CCN2: variants seen among roughly 807,000 people sequenced by gnomAD.
CCN2 encodes the protein CCN family member 2.
Under a neutral mutation model 33.2 loss-of-function variants are expected in CCN2, and 22 were observed. The ratio of observed to expected loss-of-function variants is 0.66; its 90% CI spans 0.47 to 0.95. The LOEUF (loss-of-function observed/expected upper bound fraction) is 0.95, where lower values mean the gene tolerates loss of function less well. CCN2 is among the 40% of genes least tolerant of loss of function. The pLI, the probability that CCN2 is intolerant of heterozygous loss-of-function variation, is 0.00. For synonymous variants in CCN2, 178 were observed against 200.6 expected (o/e 0.89, Z 0.95); for missense variants, 469 against 498.8 (o/e 0.94, Z 0.57).
At chr6:131,949,584 A>T in intron 4 of CCN2, 24 bp from the exon 5 acceptor site, 1 of 856,344 alleles carries the variant, frequency 1.2e-6, no homozygotes, top group Non-Finnish European at 1.8e-6. Context: ...GGGAAAAGAG[A>T]GAGGAAAAAA....
At chr6:131,949,615 G>A in intron 4 of CCN2, 55 bp from the exon 5 acceptor site, 1 of 1,475,188 alleles carries the variant, frequency 6.8e-7, no homozygotes, top group East Asian at 2.3e-5. Flanking sequence ...GACTCTACAA[G>A]AGGAGTGGCT....
chr6:131,948,875 C>T lies in CCN2; in HGVS notation c.*389G>A, dbSNP rs889578396. On this transcript the variant is annotated 3_prime_UTR_variant, in exon 5 of 5. Transcript: ENST00000367976. ...CACATCCTAGCTGTCACTGGGGCTA[C>T]AGGCAGGTCAGTGAGCACGCTAAAA... is the stretch of plus-strand genomic sequence containing the variant. 1 of 240,078 alleles carries T rather than the reference C, an allele frequency of 4.2e-6. No homozygotes were observed. The highest frequency in any genetic ancestry group is 8.3e-6 in the Non-Finnish European group (1 of 119,802). The allele number at this position is 240,078 out of a possible 1,614,324, so 14.9% of individuals were successfully genotyped here.
Position 131,949,982 on chromosome 6 carries a change from C to A in CCN2, c.720G>T (p.Arg240Ser). The A allele has an allele frequency of 6.2e-7, 1 of 1,614,198 alleles. No homozygotes were observed. The highest frequency in any genetic ancestry group is 8.5e-7 in the Non-Finnish European group (1 of 1,180,032). ...LEKQSRLCMV[R>S]PCEADLEENI... ...TCTCTTCCAGGTCAGCTTCGCAAGGCCTGACCATGCACAGGCGGCTCTGCT... is the reference window on the plus strand; with the variant it reads ...TCTCTTCCAGGTCAGCTTCGCAAGGACTGACCATGCACAGGCGGCTCTGCT... The change falls in exon 4 of 5, where the codon AGG becomes AGT. Residue 240 changes from arginine to serine, a missense_variant. Arg to Ser is a moderately radical substitution (Grantham distance 110). Transcript: ENST00000367976.
Position 131,950,265 on chromosome 6 carries a change from C to A in CCN2, c.541+27G>T, listed in dbSNP as rs1198254185. On this transcript the variant is annotated intron_variant, in intron 3 of 4. Coordinates refer to ENST00000367976, the MANE Select transcript of CCN2 (RefSeq NM_001901.4). The surrounding 1 kb of genome is among the most constrained non-coding windows in gnomAD (Gnocchi z 7.1). ...TCCCTCCCTGGGAGAGAATCACGAC[C>A]CTGACTTAGAGGAAGACTCGACTCA... The A allele has an allele frequency of 1.2e-6, 2 of 1,610,804 alleles. No individual in the cohort carries two copies. The highest frequency in any genetic ancestry group is 1.7e-5 in the Admixed American group (1 of 59,942).
At chr6:131,951,050 C>T in intron 1 of CCN2, 57 bp downstream of exon 1, 2 of 1,265,896 alleles carry the variant, frequency 1.6e-6, no homozygotes, top group South Asian at 2.8e-5. Context: ...CCTCCCCGGC[C>T]GGCCCCGAGT....
In CCN2 at chr6:131,951,226, G is replaced by T; in HGVS notation, c.-54C>A. The T allele has an allele frequency of 8.0e-7, 1 of 1,248,252 alleles. No homozygotes were observed. The highest frequency in any genetic ancestry group is 1.0e-6 in the Non-Finnish European group (1 of 996,192). The allele number at this position is 1,248,252 out of a possible 1,614,324, so 77.3% of individuals were successfully genotyped here. ...GCGGTGGCGGCGAGCGGGGAGCGGC[G>T]GGGCCTGGAGCGCTGGCGGTGGTCG... On this transcript the variant is annotated 5_prime_UTR_variant, in exon 1 of 5. Coordinates refer to ENST00000367976, the MANE Select transcript of CCN2 (RefSeq NM_001901.4).
In CCN2 at chr6:131,951,328, G is replaced by T; in HGVS notation, c.-156C>A. ...GCGGCTGCCGTCGAGCTGGAGGGTG[G>T]AGTCGCACTGGCTGTCTCCTCTCAG... On this transcript the variant is annotated 5_prime_UTR_variant, in exon 1 of 5. Transcript: ENST00000367976. 1 of 520,506 alleles carries T rather than the reference G, an allele frequency of 1.9e-6. No individual in the cohort carries two copies. Among genetic ancestry groups the T allele is most frequent in the South Asian group, 8.6e-5 (1 of 11,570 alleles). The allele number at this position is 520,506 out of a possible 1,614,324, so 32.2% of individuals were successfully genotyped here. A position where few individuals can be genotyped will look rare whatever the true frequency, so the allele number is the denominator to read the frequency against.
In CCN2 at chr6:131,949,999, G is replaced by T; in HGVS notation, c.703C>A (p.Arg235Ser). 1 of 1,614,184 alleles carries T rather than the reference G, an allele frequency of 6.2e-7. No individual in the cohort carries two copies. The highest frequency in any genetic ancestry group is 8.5e-7 in the Non-Finnish European group (1 of 1,180,040). Reference protein sequence around the residue: ...NASCRLEKQSRLCMVRPCEAD... With the variant: ...NASCRLEKQSSLCMVRPCEAD... ...TCGCAAGGCCTGACCATGCACAGGC[G>T]GCTCTGCTTCTCTAGCCTGCAGGAG... Residue 235 changes from arginine to serine, a missense_variant, in exon 4 of 5, where the codon CGC becomes AGC. Arg to Ser is a moderately radical substitution (Grantham distance 110). Transcript: ENST00000367976.
rs778883366 is a variant in CCN2, at chr6:131,949,324, G to T, written c.990C>A (p.Pro330=). 1 of 1,614,140 alleles carries T rather than the reference G, an allele frequency of 6.2e-7. No homozygotes were observed. Among genetic ancestry groups the T allele is most frequent in the South Asian group, 1.1e-5 (1 of 91,074 alleles). Residue 330 remains proline, a synonymous_variant, in exon 5 of 5, where the codon CCC becomes CCA. Transcript: ENST00000367976. ...GCGATTCAAAGATGTCATTGTCTCC[G>T]GGACAGTTGTAATGGCAGGCACAGG... ...IKTCACHYNC[P]GDNDIFESLY... is the part of the protein sequence containing the mutation.
chr6:131,949,073 A>G lies in CCN2; in HGVS notation c.*191T>C, dbSNP rs1783059570. ...CACTGTCAAGTCTTAACATTCTTCAAACCAGTGTCTGGGGTTGATAGACTA... is the reference window on the plus strand; with the variant it reads ...CACTGTCAAGTCTTAACATTCTTCAGACCAGTGTCTGGGGTTGATAGACTA... On this transcript the variant is annotated 3_prime_UTR_variant, in exon 5 of 5. Coordinates refer to ENST00000367976, the MANE Select transcript of CCN2 (RefSeq NM_001901.4). 1.7e-6 allele frequency: 1 copy of G among 604,886 alleles called. No individual in the cohort carries two copies. The highest frequency in any genetic ancestry group is 1.8e-5 in the African/African-American group (1 of 54,084). 37.5% of individuals were successfully genotyped at this position (604,886 alleles called of 1,614,324 possible). A position where few individuals can be genotyped will look rare whatever the true frequency, so the allele number is the denominator to read the frequency against.
At position 131,949,380 on chromosome 6, in the gene CCN2, C is replaced by A. The variant is rs1430800186; in HGVS notation, c.934G>T (p.Val312Phe). The A allele has an allele frequency of 6.2e-7, 1 of 1,614,154 alleles. No homozygotes were observed. Among genetic ancestry groups the A allele is most frequent in the Non-Finnish European group, 8.5e-7 (1 of 1,180,028 alleles). Residue 312 changes from valine (V) to phenylalanine (F), a missense_variant, in exon 5 of 5, where the codon GTC (valine) becomes TTC (phenylalanine). Physicochemically the swap from Val to Phe is conservative, Grantham distance 50. Transcript: ENST00000367976. ...PVEFKCPDGEVMKKNMMFIKT... is the reference protein window; with the variant it reads ...PVEFKCPDGEFMKKNMMFIKT... ...ATGAACATCATGTTCTTCTTCATGA[C>A]CTCGCCGTCAGGGCACTTGAACTCC...
chr6:131,950,755 G>A lies in CCN2; in HGVS notation c.289+15C>T. 1.3e-6 allele frequency: 2 copies of A among 1,531,514 alleles called. No individual in the cohort carries two copies. Among genetic ancestry groups the A allele is most frequent in the Non-Finnish European group, 1.7e-6 (2 of 1,144,436 alleles). The allele number at this position is 1,531,514 out of a possible 1,614,324, so 94.9% of individuals were successfully genotyped here. On this transcript the variant is annotated intron_variant, in intron 2 of 4. Transcript: ENST00000367976. This position sits in a 1 kb window ranked among gnomAD's most constrained non-coding sequence, Gnocchi z 7.1. ...AGGCGGCCGGACACCTAGCGGTGGG[G>A]GCTGCGGGTCTTACCGGTGCACACG...
At position 131,949,533 on chromosome 6, in the gene CCN2, T is replaced by G. The variant is rs757418221; in HGVS notation, c.781A>C (p.Lys261Gln). Residue 261 changes from lysine to glutamine, a missense_variant, in exon 5 of 5, where the codon AAA (lysine) becomes CAA (glutamine). By Grantham distance (53) the Lys-to-Gln change is moderately conservative. Transcript: ENST00000367976. ...TCAAACTTGATAGGCTTGGAGATTT[T>G]GGGAGTACGGATGCACTTTTTGCCC... ...KKGKKCIRTP[K>Q]ISKPIKFELS... 7.4e-6 allele frequency: 12 copies of G among 1,610,896 alleles called. No homozygotes were observed. In the African/African-American group the frequency reaches 1.2e-4, roughly 16 times the overall value.
At position 131,951,224 on chromosome 6, in the gene CCN2, G is replaced by A; in HGVS notation, c.-52C>T. ...GCGCGGTGGCGGCGAGCGGGGAGCG[G>A]CGGGGCCTGGAGCGCTGGCGGTGGT... is the stretch of plus-strand genomic sequence containing the variant. On this transcript the variant is annotated 5_prime_UTR_variant, in exon 1 of 5. Coordinates refer to ENST00000367976, the MANE Select transcript of CCN2 (RefSeq NM_001901.4). 7.9e-7 allele frequency: 1 copy of A among 1,259,676 alleles called. No individual in the cohort carries two copies. Among genetic ancestry groups the A allele is most frequent in the Non-Finnish European group, 1.0e-6 (1 of 1,002,888 alleles). The allele number at this position is 1,259,676 out of a possible 1,614,324, so 78.0% of individuals were successfully genotyped here.
chr6:131,949,917 T>C (rs1157532685), intron 4 of CCN2, 32 bp downstream of exon 4: 10 of 1,603,776 alleles, frequency 6.2e-6, no homozygotes, highest in Non-Finnish European at 8.5e-6. Context: ...GTTTTTCCTG[T>C]GAAAAATAGT....
rs1304182097 is a variant in CCN2, at chr6:131,950,748, C to T, written c.289+22G>A. On this transcript the variant is annotated intron_variant, in intron 2 of 4. Coordinates refer to ENST00000367976, the MANE Select transcript of CCN2 (RefSeq NM_001901.4). This position sits in a 1 kb window ranked among gnomAD's most constrained non-coding sequence, Gnocchi z 7.1. The stretch of plus-strand genomic sequence containing the variant: ...AGGGAGGAGGCGGCCGGACACCTAG[C>T]GGTGGGGGCTGCGGGTCTTACCGGT... 2.6e-6 allele frequency: 4 copies of T among 1,522,464 alleles called. No individual in the cohort carries two copies. Among genetic ancestry groups the T allele is most frequent in the African/African-American group, 1.4e-5 (1 of 73,050 alleles). 94.3% of individuals were successfully genotyped at this position (1,522,464 alleles called of 1,614,324 possible). A position where few individuals can be genotyped will look rare whatever the true frequency, so the allele number is the denominator to read the frequency against.
chr6:131,951,186 G>A lies in CCN2; in HGVS notation c.-14C>T. On this transcript the variant is annotated 5_prime_UTR_variant, in exon 1 of 5. Transcript: ENST00000367976. ...GGCGGCGGTCATGGTTGGCACTGCG[G>A]GCGGAGCGGAGGGCGCGGTGGCGGC... 1 of 1,310,864 alleles carries A rather than the reference G, an allele frequency of 7.6e-7. No individual in the cohort carries two copies. Among genetic ancestry groups the A allele is most frequent in the Non-Finnish European group, 9.7e-7 (1 of 1,029,340 alleles). 81.2% of individuals were successfully genotyped at this position (1,310,864 alleles called of 1,614,324 possible).
chr6:131,949,799 T>C (rs1585880228), intron 4 of CCN2, 150 bp downstream of exon 4: 1 of 846,996 alleles, frequency 1.2e-6, no homozygotes, highest in African/African-American at 1.7e-5. Flanking sequence ...TGGTTGCTAT[T>C]ACACAAGCTC....
Position 131,951,199 on chromosome 6 carries a change from G to A in CCN2, c.-27C>T. 2.3e-6 allele frequency: 3 copies of A among 1,287,886 alleles called. No homozygotes were observed. The highest frequency in any genetic ancestry group is 2.9e-6 in the Non-Finnish European group (3 of 1,018,828). The allele number at this position is 1,287,886 out of a possible 1,614,324, so 79.8% of individuals were successfully genotyped here. A position where few individuals can be genotyped will look rare whatever the true frequency, so the allele number is the denominator to read the frequency against. On this transcript the variant is annotated 5_prime_UTR_variant, in exon 1 of 5. Transcript: ENST00000367976. Reference sequence around the variant, plus strand: ...GTTGGCACTGCGGGCGGAGCGGAGGGCGCGGTGGCGGCGAGCGGGGAGCGG... The same window carrying A: ...GTTGGCACTGCGGGCGGAGCGGAGGACGCGGTGGCGGCGAGCGGGGAGCGG...
Sources: gnomAD v4.1 joint callset for allele counts on GRCh38, gnomAD v4.1.1 for gene constraint, Gnocchi (gnomAD v3.1) non-coding constraint, MANE v1.5 for transcripts, NCBI Gene and HGNC (gene_info 2026-07-23, HGNC 2026-07-21) for gene names.